Variants in ABLIM1 observed in about 807,000 individuals in gnomAD.
The protein encoded by ABLIM1 is actin binding LIM protein 1.
A neutral mutation model predicts 107.0 loss-of-function variants in ABLIM1; 40 were observed. The ratio of observed to expected loss-of-function variants is 0.37; its 90% CI spans 0.29 to 0.49. The LOEUF (loss-of-function observed/expected upper bound fraction) is 0.49. Ranked by LOEUF, ABLIM1 falls within the 20% of genes least tolerant of loss-of-function variation. The pLI, the probability that ABLIM1 is intolerant of heterozygous loss-of-function variation, is 0.97. For missense variants in ABLIM1, 857 were observed against 1,008.5 expected (o/e 0.85, Z 2.04); for synonymous variants, 357 against 357.3 (o/e 1.00, Z 0.01).
intron 6 of ABLIM1, among the ~76,000 whole-genome samples, chr10:114,531,925 G>A (rs1040577841): frequency 3.3e-5 from 5 of 151,880 alleles, no homozygotes; most frequent in South Asian, 2.1e-4. Context: ...AGCAATTCTC[G>A]TGTCTCAGCC....
At chr10:114,548,381 A>G (rs372124369) in intron 4 of ABLIM1, among the ~76,000 whole-genome samples, 4 of 152,164 alleles carry the variant, frequency 2.6e-5, no homozygotes, top group African/African-American at 7.2e-5. Context: ...TTATTTCTTC[A>G]TGGTAAAGAG....
intron 1 of ABLIM1, among the ~76,000 whole-genome samples, chr10:114,698,835 C>T (rs556581487): frequency 1.2e-4 from 18 of 152,078 alleles, no homozygotes; most frequent in Non-Finnish European, 2.4e-4. Flanking sequence ...AAAAAAATTA[C>T]TTGAAGACTG....
upstream of ABLIM1, among the ~76,000 whole-genome samples, chr10:114,687,178 T>C (rs1436039899): frequency 6.6e-6 from 1 of 152,210 alleles, no homozygotes; most frequent in Non-Finnish European, 1.5e-5. Flanking sequence ...ACCATGGACT[T>C]ACTATGTATT....
At chr10:114,590,477 T>C (rs1537490) in intron 2 of ABLIM1, among the ~76,000 whole-genome samples, 106,226 of 152,040 alleles carry the variant, frequency 0.7, 37,595 homozygotes, top group Middle Eastern at 0.78. Flanking sequence ...TTTAACCCCT[T>C]TCCAATTAGC....
chr10:114,664,298 A>G (rs1323793515), intron 1 of ABLIM1, among the ~76,000 whole-genome samples: 1 of 152,176 alleles, frequency 6.6e-6, no homozygotes. Flanking sequence ...CTACAAAAGG[A>G]TGGGCCAGGT....
At chr10:114,680,630 C>T (rs2080705872) in intron 1 of ABLIM1, among the ~76,000 whole-genome samples, 1 of 152,184 alleles carries the variant, frequency 6.6e-6, no homozygotes, top group Non-Finnish European at 1.5e-5. Flanking sequence ...AGATCTGCCC[C>T]TTCTAACCAG....
At chr10:114,583,835 G>C (rs74510068) in intron 2 of ABLIM1, among the ~76,000 whole-genome samples, 6,260 of 152,116 alleles carry the variant, frequency 0.041, 165 homozygotes, top group East Asian at 0.081. Flanking sequence ...GATGTAGCTG[G>C]AGTCCCTTAT....
chr10:114,495,084 C>T lies in ABLIM1; in HGVS notation c.895-3206G>A, dbSNP rs554259728. Among the ~76,000 whole-genome samples the T allele has an allele frequency of 2.4e-4, 36 of 152,128 alleles. No individual in the cohort carries two copies. In the East Asian group the frequency reaches 3.3e-3, roughly 14 times the overall value. On this transcript the variant is annotated intron_variant, in intron 6 of 22. Transcript: ENST00000533213. ...TGTGCCCTTCTTAGAGAGAAGACAGCGAGAATATACAACTAGTTTGCTGTG... is the reference window on the plus strand; with the variant it reads ...TGTGCCCTTCTTAGAGAGAAGACAGTGAGAATATACAACTAGTTTGCTGTG...
At chr10:114,663,799 G>A (rs12252685) in intron 1 of ABLIM1, among the ~76,000 whole-genome samples, 2,508 of 152,274 alleles carry the variant, frequency 0.016, 62 homozygotes, top group African/African-American at 0.057. Context: ...ATAGCTGAGC[G>A]TAGAACCAGA....
chr10:114,494,126 G>A (rs1208445721), intron 6 of ABLIM1, among the ~76,000 whole-genome samples: 1 of 152,178 alleles, frequency 6.6e-6, no homozygotes, highest in Non-Finnish European at 1.5e-5. Context: ...TTCAGTTTAT[G>A]ATAAAGGTAA....
rs2059210278 is a variant in ABLIM1 at position 114,434,811 on chromosome 10, A to G, written c.*1449T>C. On this transcript the variant is annotated 3_prime_UTR_variant, in exon 23 of 23. Coordinates refer to ENST00000533213, the MANE Select transcript of ABLIM1 (RefSeq NM_002313.7). ...CTCATATTCGAATCTAGTGTTGCAG[A>G]GCCTGAGGGACTCTCGTGAGATGCT... The G allele has an allele frequency of 6.6e-6, 1 of 152,092 alleles. No individual in the cohort carries two copies. Among genetic ancestry groups the G allele is most frequent in the South Asian group, 2.1e-4 (1 of 4,822 alleles). The allele number at this position is 152,092 out of a possible 1,614,324, so 9.4% of individuals were successfully genotyped here. A position where few individuals can be genotyped will look rare whatever the true frequency, so the allele number is the denominator to read the frequency against.
At chr10:114,591,566 G>C (rs773224800) in intron 2 of ABLIM1, among the ~76,000 whole-genome samples, 1 of 152,064 alleles carries the variant, frequency 6.6e-6, no homozygotes, top group Non-Finnish European at 1.5e-5. Context: ...GATAAAAAAA[G>C]GATTAAAGAG....
At chr10:114,658,276 G>C, upstream of ABLIM1, 1 of 1,526,746 alleles carries the variant, frequency 6.5e-7, no homozygotes, top group South Asian at 1.3e-5. Flanking sequence ...AATTCTCTCT[G>C]TTCCCCTGGC....
chr10:114,637,256 C>T (rs2078527999), intron 1 of ABLIM1, among the ~76,000 whole-genome samples: 1 of 152,104 alleles, frequency 6.6e-6, no homozygotes, highest in South Asian at 2.1e-4. Flanking sequence ...CTGAGATTTA[C>T]AAACAGCTAT....
chr10:114,704,302 C>CTCTCTCTCTCTCTATATATATA (rs1380460034), intron 1 of ABLIM1, among the ~76,000 whole-genome samples: 3 of 43,090 alleles, frequency 7.0e-5, no homozygotes, highest in Admixed American at 2.3e-4. Flanking sequence ...CTCTCTCTCT[C>CTCTCTCTCTCTCTATATATATA]TATATATATA....
intron 2 of ABLIM1, among the ~76,000 whole-genome samples, chr10:114,589,447 T>C (rs561373327): frequency 5.5e-4 from 83 of 151,692 alleles, no homozygotes; most frequent in African/African-American, 1.9e-3. Context: ...GAGAATTACT[T>C]GAACCTGGGA....
intron 1 of ABLIM1, among the ~76,000 whole-genome samples, chr10:114,681,693 G>C (rs1156336257): frequency 6.6e-6 from 1 of 152,250 alleles, no homozygotes; most frequent in South Asian, 2.1e-4. Flanking sequence ...GGCTTGGGGA[G>C]TTCCTGTTCC....
At chr10:114,697,983 C>T (rs148531191) in intron 1 of ABLIM1, among the ~76,000 whole-genome samples, 38 of 149,640 alleles carry the variant, frequency 2.5e-4, no homozygotes, top group Non-Finnish European at 4.8e-4. Context: ...GAAAATTACA[C>T]CAGCAAAAAG....
Position 114,732,180 on chromosome 10 carries a change from CTTTTTTTTTT to C in ABLIM1, c.-213+35871_-213+35880del, listed in dbSNP as rs113276247. On this transcript the variant is annotated intron_variant, in intron 1 of 15. Coordinates refer to the ABLIM1 transcript ENST00000651092. ...TTGCATTTTTCTTTTCTTTTCTTTT[CTTTTTTTTTT>C]TTTTTTTTTTTGAGACAGAGTCTCG... is the stretch of plus-strand genomic sequence containing the variant. Among the ~76,000 whole-genome samples, 5 of 109,868 alleles carry C rather than the reference CTTTTTTTTTT, an allele frequency of 4.6e-5. No individual in the cohort carries two copies. In the East Asian group the frequency reaches 1.3e-3, roughly 28 times the overall value. 72.1% of individuals were successfully genotyped at this position (109,868 alleles called of 152,430 possible). A position where few individuals can be genotyped will look rare whatever the true frequency, so the allele number is the denominator to read the frequency against.
Sources: allele counts gnomAD v4.1 joint callset (sites outside exome capture counted in the v4.1 genomes callset), GRCh38; gene constraint gnomAD v4.1.1; transcripts MANE v1.5; gene names NCBI Gene and HGNC (gene_info 2026-07-23, HGNC 2026-07-21).